LRSAM1: variants seen among roughly 807,000 people sequenced by gnomAD.
The protein encoded by LRSAM1 is leucine rich repeat and sterile alpha motif containing 1.
A neutral mutation model predicts 118.1 loss-of-function variants in LRSAM1; 96 were observed. That is an observed-to-expected ratio of 0.81 (90% CI 0.69 to 0.96). The LOEUF (loss-of-function observed/expected upper bound fraction) is 0.96. Ranked by LOEUF, LRSAM1 falls within the 40% of genes least tolerant of loss-of-function variation. LRSAM1 has a pLI of 0.00. For missense variants in LRSAM1, 804 were observed against 915.5 expected, an observed-to-expected ratio of 0.88 and a Z score of 1.57; for synonymous variants, 322 against 364.2, an observed-to-expected ratio of 0.88 and a Z score of 1.32.
chr9:127,451,628 T>C lies in LRSAM1; in HGVS notation c.-230T>C, dbSNP rs878946759. 34 of 478,024 alleles carry C rather than the reference T, an allele frequency of 7.1e-5. No homozygotes were observed. The highest frequency in any genetic ancestry group is 5.0e-4 in the Admixed American group (15 of 30,092). 29.6% of individuals were successfully genotyped at this position (478,024 alleles called of 1,614,324 possible). Reference sequence around the variant, plus strand: ...TCCGGAGAAGTCTGAGAAGGGTGGCTCCGGTGATCCCAGCCCTAGCTGTTT... The same window carrying C: ...TCCGGAGAAGTCTGAGAAGGGTGGCCCCGGTGATCCCAGCCCTAGCTGTTT... On this transcript the variant is annotated 5_prime_UTR_variant, in exon 1 of 26. Transcript: ENST00000300417.
rs764119919 is a variant in LRSAM1 at position 127,503,249 on chromosome 9, C to A, written c.*350C>A. On this transcript the variant is annotated 3_prime_UTR_variant, in exon 26 of 26. Coordinates refer to ENST00000300417, the MANE Select transcript of LRSAM1 (RefSeq NM_001005373.4). ...CCCCTGCAGGAGCTTGGGTCCTCAT[C>A]TGGGGGCCATGCACAGGCCCGTCCC... The A allele has an allele frequency of 2.8e-4, 100 of 359,050 alleles. No homozygotes were observed. The highest frequency in any genetic ancestry group is 4.7e-4 in the Non-Finnish European group (87 of 184,300). The allele number at this position is 359,050 out of a possible 1,614,324, so 22.2% of individuals were successfully genotyped here. A position where few individuals can be genotyped will look rare whatever the true frequency, so the allele number is the denominator to read the frequency against.
rs570143209 is a variant in LRSAM1, at chr9:127,478,261, G to A, written c.751-673G>A. 2.6e-5 allele frequency among the ~76,000 whole-genome samples: 4 copies of A among 152,244 alleles called. 1 individual carries two copies. In the South Asian group the frequency reaches 6.2e-4, roughly 24 times the overall value. Reference sequence around the variant, plus strand: ...TTCCACCCTGCACTCCCGTTGCCTGGAGGTAGTCATCATTAACTGATTAAT... The same window carrying A: ...TTCCACCCTGCACTCCCGTTGCCTGAAGGTAGTCATCATTAACTGATTAAT... On this transcript the variant is annotated intron_variant, in intron 11 of 25. Coordinates refer to ENST00000300417, the MANE Select transcript of LRSAM1 (RefSeq NM_001005373.4).
rs1345023863 is a variant in LRSAM1, at chr9:127,501,055, A to G, written c.1958A>G (p.Gln653Arg). The G allele has an allele frequency of 1.2e-6, 2 of 1,614,000 alleles. No homozygotes were observed. Among genetic ancestry groups the G allele is most frequent in the Admixed American group, 3.3e-5 (2 of 60,004 alleles). The change falls in exon 25 of 26, where the codon CAG (glutamine) becomes CGG (arginine). Residue 653 changes from glutamine to arginine, a missense_variant. By Grantham distance (43) the Gln-to-Arg change is conservative. Transcript: ENST00000300417. ...GAGGTCGTCACCCCTACGGCCCCCC[A>G]GGAGCCTCCTGAGTCTGTGAGGCCA... ...MGEVVTPTAP[Q>R]EPPESVRPSA...
At chr9:127,469,890 G>A (rs1362021112) in intron 10 of LRSAM1, among the ~76,000 whole-genome samples, 3 of 152,196 alleles carry the variant, frequency 2.0e-5, no homozygotes, top group East Asian at 3.9e-4. Context: ...GCGTGAACCC[G>A]GGAGGAGGAG....
chr9:127,464,091 T>C (rs1754321020), intron 9 of LRSAM1, among the ~76,000 whole-genome samples: 7 of 152,040 alleles, frequency 4.6e-5, no homozygotes, highest in Admixed American at 4.6e-4. Context: ...CATTCCGGAG[T>C]GGCCTGGAGT....
intron 21 of LRSAM1, among the ~76,000 whole-genome samples, chr9:127,494,696 C>T (rs964109491): frequency 6.6e-6 from 1 of 152,138 alleles, no homozygotes; most frequent in African/African-American, 2.4e-5. Context: ...GTAATCCCAG[C>T]ACTTTGGGAG....
At chr9:127,466,165 C>G (rs2254041) in intron 9 of LRSAM1, among the ~76,000 whole-genome samples, 2 of 151,410 alleles carry the variant, frequency 1.3e-5, no homozygotes, top group Non-Finnish European at 2.9e-5. Context: ...AAAAATTAGC[C>G]GGGTGTGGTG....
intron 10 of LRSAM1, among the ~76,000 whole-genome samples, chr9:127,471,472 T>TAAAAAAA (rs71380064): frequency 1.5e-5 from 1 of 68,032 alleles, no homozygotes; most frequent in Non-Finnish European, 2.6e-5. Flanking sequence ...CCTTATGTTA[T>TAAAAAAA]AAAAAAAAAA....
chr9:127,484,088 C>G (rs754358178), intron 16 of LRSAM1, among the ~76,000 whole-genome samples: 2 of 152,128 alleles, frequency 1.3e-5, no homozygotes, highest in Admixed American at 1.3e-4. Context: ...CCCGTGCCCC[C>G]CTCCCCTCAG....
At chr9:127,455,141 G>A in intron 4 of LRSAM1, 87 bp downstream of exon 4, 2 of 1,371,004 alleles carry the variant, frequency 1.5e-6, no homozygotes, top group Non-Finnish European at 2.1e-6. Flanking sequence ...AGGTGGACTG[G>A]GGCTTTAGAA....
rs937945741 is a variant in LRSAM1 at position 127,489,430 on chromosome 9, G to C, written c.1348-14G>C. On this transcript the variant is annotated splice_polypyrimidine_tract_variant and intron_variant, in intron 18 of 25. Coordinates refer to ENST00000300417, the MANE Select transcript of LRSAM1 (RefSeq NM_001005373.4). Reference sequence around the variant, plus strand: ...GGCACGGCCCCTGCTGAGGGCTGGTGGTCTGTGTTGCAGAGCGCGATGCAG... The same window carrying C: ...GGCACGGCCCCTGCTGAGGGCTGGTCGTCTGTGTTGCAGAGCGCGATGCAG... The C allele has an allele frequency of 1.2e-6, 2 of 1,602,648 alleles. No homozygotes were observed. The highest frequency in any genetic ancestry group is 4.5e-5 in the East Asian group (2 of 44,580).
intron 8 of LRSAM1, among the ~76,000 whole-genome samples, chr9:127,461,762 G>A (rs1331554521): frequency 6.6e-6 from 1 of 152,266 alleles, no homozygotes; most frequent in Non-Finnish European, 1.5e-5. Flanking sequence ...CAAGACCACT[G>A]CACAGGCGCC....
intron 9 of LRSAM1, among the ~76,000 whole-genome samples, chr9:127,463,816 G>T (rs1286441492): frequency 2.0e-5 from 3 of 152,188 alleles, no homozygotes; most frequent in Non-Finnish European, 4.4e-5. Context: ...TTTATCTGGG[G>T]CTTTCTAAGA....
chr9:127,497,379 A>G (rs1443556405), intron 24 of LRSAM1, 45 bp downstream of exon 24: 7 of 1,565,726 alleles, frequency 4.5e-6, no homozygotes, highest in Admixed American at 1.7e-5. Context: ...CTCCAGCCGT[A>G]TGTGTGGGCT....
chr9:127,489,432 T>C lies in LRSAM1; in HGVS notation c.1348-12T>C. 1 of 1,603,282 alleles carries C rather than the reference T, an allele frequency of 6.2e-7. No homozygotes were observed. The highest frequency in any genetic ancestry group is 8.5e-7 in the Non-Finnish European group (1 of 1,176,020). ...CACGGCCCCTGCTGAGGGCTGGTGG[T>C]CTGTGTTGCAGAGCGCGATGCAGAA... On this transcript the variant is annotated splice_polypyrimidine_tract_variant and intron_variant, in intron 18 of 25. Coordinates refer to ENST00000300417, the MANE Select transcript of LRSAM1 (RefSeq NM_001005373.4).
At chr9:127,481,076 C>A in intron 14 of LRSAM1, 107 bp from the exon 15 acceptor site, 1 of 1,207,572 alleles carries the variant, frequency 8.3e-7, no homozygotes, top group Non-Finnish European at 1.2e-6. Flanking sequence ...GTGGTGGAGC[C>A]AAGGTGCCCC....
chr9:127,469,528 C>G (rs749802520), intron 10 of LRSAM1, among the ~76,000 whole-genome samples: 1 of 150,860 alleles, frequency 6.6e-6, no homozygotes, highest in Admixed American at 6.6e-5. Context: ...GAAAAAATTG[C>G]ACAACATCAT....
intron 2 of LRSAM1, among the ~76,000 whole-genome samples, chr9:127,454,261 A>G (rs1472295341): frequency 6.6e-6 from 1 of 151,390 alleles, no homozygotes; most frequent in Non-Finnish European, 1.5e-5. Context: ...AACTCACTAA[A>G]AAGATGCAGC....
At chr9:127,484,620 G>A (rs146863168) in intron 16 of LRSAM1, among the ~76,000 whole-genome samples, 46 of 151,316 alleles carry the variant, frequency 3.0e-4, no homozygotes, top group East Asian at 2.3e-3. Flanking sequence ...TTGGCCTCCC[G>A]TAAGTGCTTA....
Sources: gnomAD v4.1 joint callset for allele counts (sites outside exome capture counted in the v4.1 genomes callset) on GRCh38, gnomAD v4.1.1 for gene constraint, MANE v1.5 for transcripts, NCBI Gene and HGNC (gene_info 2026-07-23, HGNC 2026-07-21) for gene names.